FAM13A: variants seen among roughly 807,000 people sequenced by gnomAD.
FAM13A encodes the protein family with sequence similarity 13 member A.
A neutral mutation model predicts 129.6 loss-of-function variants in FAM13A; 76 were observed. That is an observed-to-expected ratio of 0.59 (90% confidence interval 0.49 to 0.71). FAM13A has a LOEUF of 0.71. Among genes scored for constraint, FAM13A ranks in the 30% least tolerant of loss-of-function variants. The pLI, the probability that FAM13A is intolerant of heterozygous loss-of-function variation, is 0.00. For synonymous variants in FAM13A, 443 were observed against 449.9 expected (o/e 0.98, Z 0.20); for missense variants, 1,108 against 1,249.3 (o/e 0.89, Z 1.70).
At chr4:88,922,248 A>C (rs1313008279) in intron 5 of FAM13A, among the ~76,000 whole-genome samples, 5 of 151,934 alleles carry the variant, frequency 3.3e-5, no homozygotes, top group Non-Finnish European at 5.9e-5. Context: ...CAGAATATAC[A>C]TTTTTTTCAG....
In FAM13A at chr4:88,858,021, T is replaced by C. The variant is rs189774514; in HGVS notation, c.844-6838A>G. On this transcript the variant is annotated intron_variant, in intron 6 of 23. Coordinates refer to ENST00000264344, the MANE Select transcript of FAM13A (RefSeq NM_014883.4). Reference sequence around the variant, plus strand: ...TTTTAGAACTTTCATTTATATTCAATTTCAAAATCTGCCACTTAAAAATAG... The same window carrying C: ...TTTTAGAACTTTCATTTATATTCAACTTCAAAATCTGCCACTTAAAAATAG... Among the ~76,000 whole-genome samples the C allele has an allele frequency of 1.7e-4, 26 of 152,360 alleles. 2 individuals are homozygous for C. The highest frequency in any genetic ancestry group is 5.3e-4 in the African/African-American group (22 of 41,588).
intron 16 of FAM13A, among the ~76,000 whole-genome samples, chr4:88,749,391 T>A: frequency 6.6e-6 from 1 of 152,286 alleles, no homozygotes; most frequent in Middle Eastern, 3.4e-3. Context: ...CAAAAATGCC[T>A]TTTTGCCACT....
chr4:88,838,726 CAAA>C (rs59089589), intron 7 of FAM13A, among the ~76,000 whole-genome samples: 2 of 144,326 alleles, frequency 1.4e-5, no homozygotes, highest in South Asian at 2.2e-4. Context: ...GACTCCGTCT[CAAA>C]AAAAAAAAAG....
intron 4 of FAM13A, among the ~76,000 whole-genome samples, chr4:88,969,660 A>C (rs1759813388): frequency 6.6e-6 from 1 of 152,250 alleles, no homozygotes; most frequent in African/African-American, 2.4e-5. Flanking sequence ...AACAAAAGGT[A>C]ACATTTACTG....
intron 5 of FAM13A, among the ~76,000 whole-genome samples, chr4:88,918,611 A>G (rs1039529907): frequency 1.6e-4 from 25 of 152,250 alleles, no homozygotes; most frequent in African/African-American, 5.8e-4. Context: ...GAATCGTAAC[A>G]AATAATCTTT....
intron 5 of FAM13A, among the ~76,000 whole-genome samples, chr4:88,925,756 G>A (rs941360552): frequency 1.3e-4 from 20 of 150,564 alleles, no homozygotes; most frequent in Non-Finnish European, 2.4e-4. Flanking sequence ...AAGTAAATAT[G>A]AGATATTGTT....
chr4:88,867,415 A>C (rs760615019), intron 6 of FAM13A, among the ~76,000 whole-genome samples: 1 of 152,226 alleles, frequency 6.6e-6, no homozygotes, highest in Non-Finnish European at 1.5e-5. Context: ...ACATGACTAA[A>C]TAGAACACGA....
chr4:88,800,365 AG>A (rs34887004), intron 8 of FAM13A, among the ~76,000 whole-genome samples: 1 of 152,162 alleles, frequency 6.6e-6, no homozygotes, highest in Non-Finnish European at 1.5e-5. Flanking sequence ...CTCCACAGGC[AG>A]GGGGGATGTG....
At chr4:88,760,258 G>C (rs530993124) in intron 13 of FAM13A, among the ~76,000 whole-genome samples, 3 of 152,106 alleles carry the variant, frequency 2.0e-5, no homozygotes, top group East Asian at 1.9e-4. Flanking sequence ...TTCACATTTG[G>C]GATAAAATGA....
At chr4:89,049,413 T>C (rs973996216) in intron 1 of FAM13A, among the ~76,000 whole-genome samples, 2 of 152,206 alleles carry the variant, frequency 1.3e-5, no homozygotes, top group African/African-American at 4.8e-5. Context: ...CGTGATTTCT[T>C]TACAGTGTAA....
chr4:88,823,356 C>G (rs1254209688), intron 7 of FAM13A: 1 of 1,056,526 alleles, frequency 9.5e-7, no homozygotes, highest in Non-Finnish European at 1.1e-6. Flanking sequence ...CCTTCTGCTC[C>G]TCAATGGTCC....
intron 6 of FAM13A, among the ~76,000 whole-genome samples, chr4:88,853,586 C>T (rs1180677442): frequency 6.6e-6 from 1 of 152,056 alleles, no homozygotes; most frequent in Non-Finnish European, 1.5e-5. Context: ...AGTTCCCTGC[C>T]CATATTAAAG....
chr4:88,780,281 T>C (rs1332492008), intron 11 of FAM13A, among the ~76,000 whole-genome samples: 1 of 152,072 alleles, frequency 6.6e-6, no homozygotes, highest in African/African-American at 2.4e-5. Context: ...AATGAGAAAA[T>C]AGGTGGCCCA....
intron 2 of FAM13A, among the ~76,000 whole-genome samples, chr4:89,025,256 T>TTTTTG (rs1560851811): frequency 1.2e-5 from 1 of 83,494 alleles, no homozygotes. Context: ...TTTTTTTTTT[T>TTTTTG]TTTTTTTTTT....
chr4:88,794,379 T>C (rs567066150), intron 8 of FAM13A, among the ~76,000 whole-genome samples: 1 of 151,552 alleles, frequency 6.6e-6, no homozygotes, highest in East Asian at 1.9e-4. Context: ...CTTTAGTCTT[T>C]ATTTTTACTA....
At chr4:88,747,888 T>C in intron 17 of FAM13A, 37 bp from the exon 18 acceptor site, 1 of 1,320,452 alleles carries the variant, frequency 7.6e-7, no homozygotes, top group South Asian at 1.3e-5. Context: ...ATATATGAGA[T>C]TTATTTATTT....
chr4:88,971,214 C>T (rs771987865), intron 4 of FAM13A, among the ~76,000 whole-genome samples: 1 of 151,896 alleles, frequency 6.6e-6, no homozygotes, highest in Non-Finnish European at 1.5e-5. Flanking sequence ...TGAGACTCTG[C>T]CTCAAAAAGA....
chr4:88,840,254 CT>C (rs1444209122), intron 7 of FAM13A, among the ~76,000 whole-genome samples: 1 of 152,218 alleles, frequency 6.6e-6, no homozygotes, highest in East Asian at 1.9e-4. Flanking sequence ...ATGATAGAGG[CT>C]GTTGTTCTTA....
intron 2 of FAM13A, among the ~76,000 whole-genome samples, chr4:89,025,237 G>A (rs1165067349): frequency 7.8e-6 from 1 of 128,540 alleles, no homozygotes; most frequent in Non-Finnish European, 1.7e-5. Context: ...GTTAACCATG[G>A]AATCATTGTT....
Sources: gnomAD v4.1 joint callset for allele counts (sites outside exome capture counted in the v4.1 genomes callset) on GRCh38, gnomAD v4.1.1 for gene constraint, MANE v1.5 for transcripts, NCBI Gene and HGNC (gene_info 2026-07-23, HGNC 2026-07-21) for gene names.